ZFHX3: variants seen among roughly 807,000 people sequenced by gnomAD.
The protein encoded by ZFHX3 is zinc finger homeobox 3, also known as zinc finger homeobox protein 3.
In ZFHX3, 42 loss-of-function variants were observed where a neutral mutation model predicts 279.1. The ratio of observed to expected loss-of-function variants is 0.15; its 90% CI spans 0.12 to 0.19. The LOEUF (loss-of-function observed/expected upper bound fraction) is 0.19, where lower values mean the gene tolerates loss of function less well. Among genes scored for constraint, ZFHX3 ranks in the 10% least tolerant of loss-of-function variants. ZFHX3 has a pLI of 1.00. For synonymous variants in ZFHX3, 2,293 were observed against 1,957.8 expected, an observed-to-expected ratio of 1.17 and a Z score of -4.52; for missense variants, 4,981 against 4,754.0, an observed-to-expected ratio of 1.05 and a Z score of -1.40.
At position 73,831,898 on chromosome 16, in the gene ZFHX3, CTTCT is replaced by C. The variant is rs549680444; in HGVS notation, c.-1608+59749_-1608+59752del. Among the ~76,000 whole-genome samples the C allele has an allele frequency of 3.4e-3, 519 of 152,244 alleles. 2 individuals are homozygous for C. The highest frequency in any genetic ancestry group is 0.012 in the African/African-American group (485 of 41,566). On this transcript the variant is annotated intron_variant, in intron 1 of 17. Transcript: ENST00000641206. ...CTCACCTGACTAGAGTTTCATCTGGCTTCTTTGTTTTTTTGTTTTTGAAATGGAG... is the reference window on the plus strand; with the variant it reads ...CTCACCTGACTAGAGTTTCATCTGGCTTGTTTTTTTGTTTTTGAAATGGAG...
intron 1 of ZFHX3, among the ~76,000 whole-genome samples, chr16:73,026,774 TTTTTA>T (rs1282426061): frequency 6.6e-6 from 1 of 151,804 alleles, no homozygotes; most frequent in African/African-American, 2.4e-5. Flanking sequence ...TTCTCATCCA[TTTTTA>T]TTTGACTCCC....
intron 2 of ZFHX3, among the ~76,000 whole-genome samples, chr16:73,666,923 T>A (rs1000161469): frequency 1.3e-5 from 2 of 152,002 alleles, no homozygotes; most frequent in African/African-American, 4.8e-5. Context: ...TCATCCACGT[T>A]ATTGAGTTTA....
intron 3 of ZFHX3, among the ~76,000 whole-genome samples, chr16:73,395,766 G>A (rs909383259): frequency 3.3e-5 from 5 of 151,998 alleles, no homozygotes; most frequent in African/African-American, 7.3e-5. Flanking sequence ...CTCACCACAG[G>A]TGCTTGGAAC....
chr16:73,503,723 C>A (rs1042124916), intron 2 of ZFHX3, among the ~76,000 whole-genome samples: 1 of 152,150 alleles, frequency 6.6e-6, no homozygotes, highest in East Asian at 1.9e-4. Context: ...GTCAGAGAAA[C>A]GTGGGGGAGG....
chr16:73,885,414 G>A (rs2030313423), intron 1 of ZFHX3, among the ~76,000 whole-genome samples: 1 of 152,154 alleles, frequency 6.6e-6, no homozygotes, highest in Non-Finnish European at 1.5e-5. Context: ...GTGGATGGCT[G>A]AGCTTATCCC....
At chr16:72,898,795 GCTAT>G in intron 3 of ZFHX3, among the ~76,000 whole-genome samples, 1 of 149,710 alleles carries the variant, frequency 6.7e-6, no homozygotes, top group Non-Finnish European at 1.5e-5. Context: ...CATAGTAAAT[GCTAT>G]GCATGCATAT....
intron 5 of ZFHX3, among the ~76,000 whole-genome samples, chr16:73,247,337 C>T (rs917773237): frequency 6.7e-6 from 1 of 149,922 alleles, no homozygotes; most frequent in Non-Finnish European, 1.5e-5. Flanking sequence ...TGTGTGTATA[C>T]TGTGTATATA....
chr16:73,272,663 T>C (rs2014179431), intron 4 of ZFHX3, among the ~76,000 whole-genome samples: 1 of 152,210 alleles, frequency 6.6e-6, no homozygotes. Flanking sequence ...ACATTGCTGC[T>C]AGAATAACCA....
intron 5 of ZFHX3, among the ~76,000 whole-genome samples, chr16:73,251,884 CCACA>C (rs1379455162): frequency 1.1e-4 from 10 of 94,308 alleles, no homozygotes; most frequent in Admixed American, 1.0e-3. Context: ...TGCACACACA[CCACA>C]CACACACCAT....
intron 2 of ZFHX3, among the ~76,000 whole-genome samples, chr16:73,596,892 T>C (rs1420574343): frequency 1.3e-5 from 2 of 152,180 alleles, no homozygotes; most frequent in Non-Finnish European, 2.9e-5. Context: ...TGCTACACTC[T>C]TCTGCCATAT....
chr16:72,820,972 AAC>A (rs1475121199), intron 5 of ZFHX3, among the ~76,000 whole-genome samples: 1 of 152,174 alleles, frequency 6.6e-6, no homozygotes, highest in Non-Finnish European at 1.5e-5. Flanking sequence ...TTTGAGCCCC[AAC>A]ACAGTCTAGA....
At chr16:73,467,956 A>T (rs949363482) in intron 2 of ZFHX3, among the ~76,000 whole-genome samples, 3 of 152,188 alleles carry the variant, frequency 2.0e-5, no homozygotes, top group African/African-American at 7.2e-5. Context: ...AATTTATCAG[A>T]GCTCTCCTAA....
chr16:73,885,813 C>A (rs1385589072), intron 1 of ZFHX3, among the ~76,000 whole-genome samples: 2 of 152,174 alleles, frequency 1.3e-5, no homozygotes, highest in African/African-American at 4.8e-5. Flanking sequence ...TTCCCCTTCA[C>A]TGCCCTGTTA....
intron 4 of ZFHX3, among the ~76,000 whole-genome samples, chr16:73,267,782 G>C (rs2014020394): frequency 6.6e-6 from 1 of 152,122 alleles, no homozygotes. Flanking sequence ...CAGCATTGCT[G>C]TTTCCATTCA....
At chr16:73,482,959 C>T (rs1046890553) in intron 2 of ZFHX3, among the ~76,000 whole-genome samples, 4 of 152,224 alleles carry the variant, frequency 2.6e-5, no homozygotes, top group Admixed American at 6.5e-5. Context: ...ACCATAACTT[C>T]CCATTAACTA....
intron 2 of ZFHX3, among the ~76,000 whole-genome samples, chr16:73,545,165 C>A (rs1284528957): frequency 6.6e-6 from 1 of 152,096 alleles, no homozygotes; most frequent in Non-Finnish European, 1.5e-5. Flanking sequence ...CCCACCTCTG[C>A]TAAAAATAAG....
chr16:73,030,099 A>T (rs901182414), intron 1 of ZFHX3, among the ~76,000 whole-genome samples: 4 of 152,176 alleles, frequency 2.6e-5, no homozygotes, highest in African/African-American at 9.7e-5. Flanking sequence ...CTATTCACAA[A>T]TTTTTTAAAA....
intron 1 of ZFHX3, among the ~76,000 whole-genome samples, chr16:72,995,616 C>T (rs1597068890): frequency 6.6e-6 from 1 of 152,278 alleles, no homozygotes; most frequent in East Asian, 1.9e-4. Context: ...TCAGAGCTCT[C>T]CAAGCTCCTG....
At chr16:73,046,047 G>A (rs1313286974) in intron 1 of ZFHX3, among the ~76,000 whole-genome samples, 6 of 152,144 alleles carry the variant, frequency 3.9e-5, no homozygotes, top group African/African-American at 9.7e-5. Context: ...ACACCATGAG[G>A]AGAACTCCTT....
Sources: allele counts gnomAD v4.1 joint callset (sites outside exome capture counted in the v4.1 genomes callset), GRCh38; gene constraint gnomAD v4.1.1; transcripts MANE v1.5; gene names NCBI Gene and HGNC (gene_info 2026-07-23, HGNC 2026-07-21).